Variants in MARK3 observed in about 807,000 individuals in gnomAD.
MARK3 encodes microtubule affinity regulating kinase 3.
In MARK3, 46 loss-of-function variants were observed where a neutral mutation model predicts 90.1. The ratio of observed to expected loss-of-function variants is 0.51; its 90% CI spans 0.40 to 0.65. The LOEUF (loss-of-function observed/expected upper bound fraction) is 0.65, where lower values mean the gene tolerates loss of function less well. Among genes scored for constraint, MARK3 ranks in the 30% least tolerant of loss-of-function variants. The probability of loss-of-function intolerance (pLI) is 0.00; values close to 1 mark genes in which losing one functional copy is unlikely to be tolerated. For missense variants in MARK3, 818 were observed against 947.2 expected (o/e 0.86, Z 1.79); for synonymous variants, 321 against 332.6 (o/e 0.97, Z 0.38).
chr14:103,395,249 T>G (rs558216526), intron 1 of MARK3, among the ~76,000 whole-genome samples: 2 of 151,366 alleles, frequency 1.3e-5, no homozygotes, highest in African/African-American at 4.8e-5. Context: ...AAGGAGAAAT[T>G]AGAATTTAGA....
intron 2 of MARK3, among the ~76,000 whole-genome samples, chr14:103,406,461 T>A (rs962294620): frequency 1.3e-5 from 2 of 151,462 alleles, no homozygotes; most frequent in African/African-American, 4.9e-5. Context: ...GGTTTCAAAC[T>A]CCTGACCTCA....
chr14:103,494,501 G>A (rs1028252859), intron 15 of MARK3, among the ~76,000 whole-genome samples: 7 of 127,196 alleles, frequency 5.5e-5, no homozygotes, highest in African/African-American at 9.2e-5. Flanking sequence ...CCGAGGTCAC[G>A]CCATTGCACT....
chr14:103,452,093 G>A, intron 5 of MARK3, 110 bp downstream of exon 5: 2 of 669,238 alleles, frequency 3.0e-6, no homozygotes, highest in Middle Eastern at 4.1e-4. Context: ...AACGTCCAGA[G>A]CCATAATACG....
intron 14 of MARK3, chr14:103,489,829 T>TG (rs1566934672): frequency 6.6e-6 from 1 of 152,216 alleles, no homozygotes; most frequent in Non-Finnish European, 1.5e-5. Flanking sequence ...GTGAGACTCC[T>TG]GGGGGTAGTT....
intron 2 of MARK3, among the ~76,000 whole-genome samples, chr14:103,408,341 C>T (rs924214979): frequency 2.6e-5 from 4 of 152,008 alleles, no homozygotes; most frequent in African/African-American, 9.7e-5. Flanking sequence ...GCACACGCCA[C>T]CGCACCCAGC....
chr14:103,467,271 T>C, intron 11 of MARK3, 80 bp downstream of exon 11: 1 of 647,260 alleles, frequency 1.5e-6, no homozygotes, highest in Non-Finnish European at 2.6e-6. Context: ...TTTTTATCTT[T>C]TGAATATTTG....
chr14:103,434,910 C>A (rs182810683), intron 3 of MARK3, among the ~76,000 whole-genome samples: 46 of 152,232 alleles, frequency 3.0e-4, no homozygotes, highest in African/African-American at 1.0e-3. Context: ...ACTCCGATAC[C>A]CCTCAAGCAC....
At chr14:103,438,859 G>A (rs545996038) in intron 3 of MARK3, among the ~76,000 whole-genome samples, 23 of 152,040 alleles carry the variant, frequency 1.5e-4, no homozygotes, top group Non-Finnish European at 2.5e-4. Context: ...GTGGTGGTGC[G>A]CACCTGTAGT....
chr14:103,395,578 G>A (rs556563245), intron 1 of MARK3, among the ~76,000 whole-genome samples: 2 of 152,144 alleles, frequency 1.3e-5, no homozygotes, highest in African/African-American at 4.8e-5. Flanking sequence ...TTTCCTGTTC[G>A]ATCCATTTTC....
chr14:103,408,580 T>C (rs1387913393), intron 2 of MARK3, among the ~76,000 whole-genome samples: 2 of 152,160 alleles, frequency 1.3e-5, no homozygotes, highest in Non-Finnish European at 2.9e-5. Flanking sequence ...CTGTGACACA[T>C]ATGGCGTAGC....
At chr14:103,424,388 G>T (rs1454702403) in intron 2 of MARK3, among the ~76,000 whole-genome samples, 1 of 151,780 alleles carries the variant, frequency 6.6e-6, no homozygotes, top group Non-Finnish European at 1.5e-5. Flanking sequence ...AGCTGGACAT[G>T]GTGGCACGTG....
At chr14:103,482,164 A>C (rs559585438) in intron 14 of MARK3, among the ~76,000 whole-genome samples, 1 of 152,172 alleles carries the variant, frequency 6.6e-6, no homozygotes, top group Non-Finnish European at 1.5e-5. Flanking sequence ...CTTAATAGAA[A>C]ATATCAATAG....
In MARK3 at chr14:103,502,979, C is replaced by A; in HGVS notation, c.2014C>A (p.Pro672Thr). ...CATGAAAACCACTAGTTCAATGGAT[C>A]CCGGGGACATGATGCGGGAAATCCG... ...WSMKTTSSMD[P>T]GDMMREIRKV... The change falls in exon 18 of 18, where the codon CCC becomes ACC. Residue 672 changes from proline (P) to threonine (T), a missense_variant. Physicochemically the swap from Pro to Thr is conservative, Grantham distance 38 (BLOSUM62 -1). Transcript: ENST00000429436. The A allele has an allele frequency of 6.2e-7, 1 of 1,614,240 alleles. No homozygotes were observed. Among genetic ancestry groups the A allele is most frequent in the South Asian group, 1.1e-5 (1 of 91,078 alleles).
intron 12 of MARK3, among the ~76,000 whole-genome samples, chr14:103,472,952 G>A (rs943053477): frequency 5.3e-5 from 8 of 151,442 alleles, no homozygotes; most frequent in Non-Finnish European, 1.0e-4. Context: ...GTTGCAGTGA[G>A]CCAAGATTGA....
intron 14 of MARK3, chr14:103,491,398 G>A (rs2094013906): frequency 4.8e-6 from 1 of 209,846 alleles, no homozygotes; most frequent in Non-Finnish European, 9.7e-6. Context: ...CTTTTTAGTT[G>A]CCTGTTCTTC....
chr14:103,468,314 C>CTTCTT lies in MARK3; in HGVS notation c.1264+130_1264+131insCTTTT, dbSNP rs1555395510. 4.1e-3 allele frequency: 479 copies of CTTCTT among 116,166 alleles called. 25 individuals are homozygous for CTTCTT. Among genetic ancestry groups the CTTCTT allele is most frequent in the Non-Finnish European group, 4.7e-3 (327 of 69,004 alleles). The allele number at this position is 116,166 out of a possible 1,614,324, so 7.2% of individuals were successfully genotyped here. A position where few individuals can be genotyped will look rare whatever the true frequency, so the allele number is the denominator to read the frequency against. ...CTTGGCATTGCTTTCTTTCTTTCTT[C>CTTCTT]TTTTTTTTTTTTTTTTTTTTTTTTT... On this transcript the variant is annotated intron_variant, in intron 12 of 17. Transcript: ENST00000429436.
chr14:103,490,376 T>C (rs12896919), intron 14 of MARK3: 43,526 of 151,950 alleles, frequency 0.29, 7,310 homozygotes, highest in Non-Finnish European at 0.36. Context: ...TGTAATCTTA[T>C]TAATTCATTT....
chr14:103,455,596 C>T (rs1018486629), intron 5 of MARK3, among the ~76,000 whole-genome samples: 4 of 151,844 alleles, frequency 2.6e-5, no homozygotes, highest in Admixed American at 2.6e-4. Context: ...GGTGTGGTGA[C>T]GCACGCCTGT....
chr14:103,432,116 C>T (rs1379629654), intron 3 of MARK3, among the ~76,000 whole-genome samples: 1 of 152,038 alleles, frequency 6.6e-6, no homozygotes, highest in African/African-American at 2.4e-5. Context: ...TGGATGTCTC[C>T]ATCCAATTAA....
Sources: gnomAD v4.1 joint callset for allele counts (sites outside exome capture counted in the v4.1 genomes callset) on GRCh38, gnomAD v4.1.1 for gene constraint, MANE v1.5 for transcripts, NCBI Gene and HGNC (gene_info 2026-07-23, HGNC 2026-07-21) for gene names.